The following SCN2A variants were observed in gnomAD, a reference collection of about 807,000 sequenced individuals.
SCN2A encodes the protein sodium channel protein type 2 subunit alpha.
Under a neutral mutation model 188.7 loss-of-function variants are expected in SCN2A, and 20 were observed. The ratio of observed to expected loss-of-function variants is 0.11; its 90% CI spans 0.07 to 0.15. The LOEUF (loss-of-function observed/expected upper bound fraction) is 0.15. SCN2A is among the 10% of genes least tolerant of loss of function. The pLI, the probability that SCN2A is intolerant of heterozygous loss-of-function variation, is 1.00. For missense variants in SCN2A, 1,278 were observed against 2,445.0 expected (o/e 0.52, Z 10.07); for synonymous variants, 804 against 833.1 (o/e 0.97, Z 0.60).
chr2:165,354,504 A>C lies in SCN2A; in HGVS notation c.3232A>C (p.Ile1078Leu). 1 of 1,614,142 alleles carries C rather than the reference A, an allele frequency of 6.2e-7. No homozygotes were observed. The highest frequency in any genetic ancestry group is 8.5e-7 in the Non-Finnish European group (1 of 1,180,008). ...LKDGNGTTSG[I>L]GSSVEKYVVD... The stretch of plus-strand genomic sequence containing the variant: ...AGACGGAAATGGAACTACTAGTGGC[A>C]TAGGCAGCAGTGTAGAAAAATATGT... Residue 1078 changes from isoleucine (I) to leucine (L), a missense_variant, in exon 17 of 27, where the codon ATA becomes CTA. By Grantham distance (5) the Ile-to-Leu change is conservative (BLOSUM62 2). This residue lies in a region of SCN2A where 228 missense variants were observed against 297.3 expected (regional missense o/e 0.77). Transcript: ENST00000375437.
chr2:165,304,002 G>A (rs7593574), intron 3 of SCN2A, among the ~76,000 whole-genome samples: 45,733 of 151,888 alleles, frequency 0.3, 7,202 homozygotes, highest in Middle Eastern at 0.45. Flanking sequence ...AACCATTGCC[G>A]AGTCCATAAT....
At chr2:165,284,035 C>T (rs1198582105) in intron 1 of SCN2A, among the ~76,000 whole-genome samples, 2 of 152,032 alleles carry the variant, frequency 1.3e-5, no homozygotes, top group Non-Finnish European at 2.9e-5. Flanking sequence ...TCCTTCACTC[C>T]TCTCTAGTTC....
chr2:165,266,659 C>T (rs1694877984), intron 1 of SCN2A: 1 of 152,108 alleles, frequency 6.6e-6, no homozygotes, highest in East Asian at 1.9e-4. Flanking sequence ...CATTCATTGT[C>T]TTTTGCCTGG....
intron 19 of SCN2A, among the ~76,000 whole-genome samples, chr2:165,369,379 G>A (rs1285626921): frequency 1.3e-5 from 2 of 152,074 alleles, no homozygotes; most frequent in African/African-American, 4.8e-5. Context: ...GCTCCTCAGG[G>A]GTTTACAGCT....
rs1172256374 is a variant in SCN2A, at chr2:165,239,612, GT to G, written c.-78del. The G allele has an allele frequency of 1.5e-5, 15 of 983,732 alleles. No homozygotes were observed. Among genetic ancestry groups the G allele is most frequent in the Non-Finnish European group, 8.4e-6 (7 of 828,480 alleles). The allele number at this position is 983,732 out of a possible 1,614,324, so 60.9% of individuals were successfully genotyped here. ...TATTCAACACATACGTGGATTCTGTGTTATGATTTACATTTTTCTTTATTTC... is the reference window on the plus strand; with the variant it reads ...TATTCAACACATACGTGGATTCTGTGTATGATTTACATTTTTCTTTATTTC... On this transcript the variant is annotated 5_prime_UTR_variant, in exon 1 of 27. Transcript: ENST00000375437.
At chr2:165,342,136 T>C (rs953861626) in intron 14 of SCN2A, among the ~76,000 whole-genome samples, 160 bp from the exon 15 acceptor site, 2 of 152,212 alleles carry the variant, frequency 1.3e-5, no homozygotes, top group Non-Finnish European at 2.9e-5. Flanking sequence ...CAATTATTGA[T>C]TTGAATGCAA....
At chr2:165,254,083 A>G (rs1213005180) in intron 1 of SCN2A, among the ~76,000 whole-genome samples, 1 of 151,848 alleles carries the variant, frequency 6.6e-6, no homozygotes, top group Non-Finnish European at 1.5e-5. Flanking sequence ...TTAGTGATAT[A>G]TTGATGTAAA....
At chr2:165,278,393 C>T (rs1235316947) in intron 1 of SCN2A, among the ~76,000 whole-genome samples, 1 of 152,146 alleles carries the variant, frequency 6.6e-6, no homozygotes, top group Non-Finnish European at 1.5e-5. Context: ...AGGCAAGGCA[C>T]CTTTTTCTCC....
intron 1 of SCN2A, among the ~76,000 whole-genome samples, chr2:165,275,606 A>G (rs1695299977): frequency 6.6e-6 from 1 of 152,180 alleles, no homozygotes; most frequent in Non-Finnish European, 1.5e-5. Context: ...ATACTGAAAG[A>G]TTAGGTTTAT....
intron 23 of SCN2A, among the ~76,000 whole-genome samples, chr2:165,378,635 A>G (rs1328128951): frequency 2.6e-5 from 4 of 151,786 alleles, no homozygotes; most frequent in East Asian, 1.9e-4. Context: ...AATGGCTCAT[A>G]CCCACTTTCC....
In SCN2A at chr2:165,374,693, A is replaced by G; in HGVS notation, c.3981A>G (p.Val1327=). The change falls in exon 22 of 27, where the codon GTA becomes GTG. Residue 1327 remains valine, a synonymous_variant. Coordinates refer to ENST00000375437, the MANE Select transcript of SCN2A (RefSeq NM_001040142.2). ...LSRFEGMRVV[V]NALLGAIPSI... is the part of the protein sequence containing the mutation. The stretch of plus-strand genomic sequence containing the variant: ...TTCTCATCCTGTGCCAGGTTGTTGT[A>G]AATGCTCTTTTAGGAGCCATTCCAT... 1.2e-6 allele frequency: 2 copies of G among 1,613,208 alleles called. No individual in the cohort carries two copies. The highest frequency in any genetic ancestry group is 1.7e-6 in the Non-Finnish European group (2 of 1,179,492).
At chr2:165,279,646 A>G (rs1266121237) in intron 1 of SCN2A, among the ~76,000 whole-genome samples, 1 of 152,214 alleles carries the variant, frequency 6.6e-6, no homozygotes, top group Non-Finnish European at 1.5e-5. Context: ...GTTAATTATA[A>G]TAAAATATTG....
intron 1 of SCN2A, chr2:165,271,414 C>T (rs893735778): frequency 6.6e-6 from 1 of 151,930 alleles, no homozygotes; most frequent in Non-Finnish European, 1.5e-5. Context: ...AGGAGATACT[C>T]GATGGGAATT....
At chr2:165,251,394 G>T (rs1046478796) in intron 1 of SCN2A, among the ~76,000 whole-genome samples, 12 of 151,990 alleles carry the variant, frequency 7.9e-5, no homozygotes, top group African/African-American at 2.9e-4. Context: ...AAGTCAAAGG[G>T]TGTATTTTTA....
chr2:165,293,033 T>C (rs1696302376), intron 1 of SCN2A, among the ~76,000 whole-genome samples: 1 of 152,252 alleles, frequency 6.6e-6, no homozygotes, highest in Admixed American at 6.5e-5. Context: ...TAAATAAGAT[T>C]GGTGTCTCAC....
chr2:165,264,584 C>T (rs1469129937), intron 1 of SCN2A, among the ~76,000 whole-genome samples: 1 of 152,002 alleles, frequency 6.6e-6, no homozygotes, highest in East Asian at 1.9e-4. Flanking sequence ...AGTATCCATT[C>T]GTTATTTTTC....
chr2:165,308,332 C>A (rs961825852), intron 4 of SCN2A, among the ~76,000 whole-genome samples: 1 of 152,012 alleles, frequency 6.6e-6, no homozygotes, highest in African/African-American at 2.4e-5. Flanking sequence ...TTATGAAATA[C>A]AAATGCTTCA....
In SCN2A at chr2:165,327,486, G is replaced by A. The variant is rs143374867; in HGVS notation, c.2149+502G>A. 1,288 of 171,598 alleles carry A rather than the reference G, an allele frequency of 7.5e-3. 19 individuals carry two copies. Among genetic ancestry groups the A allele is most frequent in the African/African-American group, 0.029 (1,217 of 41,626 alleles). The allele number at this position is 171,598 out of a possible 1,614,324, so 10.6% of individuals were successfully genotyped here. On this transcript the variant is annotated intron_variant, in intron 13 of 26. Coordinates refer to ENST00000375437, the MANE Select transcript of SCN2A (RefSeq NM_001040142.2). ...CTGACCAGATTCTTACAATATATCA[G>A]CTTTCTCTTTAGTTGCAGATTTTAT...
chr2:165,375,041 T>A, intron 22 of SCN2A, 75 bp downstream of exon 22: 1 of 1,272,742 alleles, frequency 7.9e-7, no homozygotes, highest in Non-Finnish European at 1.1e-6. Flanking sequence ...CATAATGAGA[T>A]ATCCACCTGT....
Sources: gnomAD v4.1 joint callset for allele counts (sites outside exome capture counted in the v4.1 genomes callset) on GRCh38, gnomAD v4.1.1 for gene constraint, gnomAD v4.1.1 regional missense constraint, MANE v1.5 for transcripts, NCBI Gene and HGNC (gene_info 2026-07-23, HGNC 2026-07-21) for gene names.